PHF8: variants seen among roughly 807,000 people sequenced by gnomAD.
The protein encoded by PHF8 is histone lysine demethylase PHF8.
A neutral mutation model predicts 74.4 loss-of-function variants in PHF8; 9 were observed. The ratio of observed to expected loss-of-function variants is 0.12; its 90% CI spans 0.07 to 0.21. PHF8 has a LOEUF of 0.21. PHF8 is among the 10% of genes least tolerant of loss of function. The pLI is 1.00. For synonymous variants in PHF8, 311 were observed against 316.6 expected (o/e 0.98, Z 0.19); for missense variants, 478 against 816.6 (o/e 0.59, Z 5.05).
At chrX:53,999,846 A>T in intron 11 of PHF8, 24 bp downstream of exon 11, 1 of 996,669 alleles carries the variant, frequency 1.0e-6, no homozygotes, top group Non-Finnish European at 1.4e-6. Context: ...ACTCCAGAGG[A>T]GGTAGAGAAA....
At position 53,987,853 on chromosome X, in the gene PHF8, C is replaced by T; in HGVS notation, c.1822G>A (p.Glu608Lys). Residue 608 changes from glutamate (E) to lysine (K), a missense_variant, in exon 15 of 22, where the codon GAA becomes AAA. By Grantham distance (56) the Glu-to-Lys change is moderately conservative. This residue lies in a region of PHF8 where 153 missense variants were observed against 164.8 expected (regional missense o/e 0.93). Transcript: ENST00000338154. The stretch of plus-strand genomic sequence containing the variant: ...TCTGAATCCAAGTCAAATTCGTCTT[C>T]CATCACCTGTTCTGCCATCAGCCTA... ...KARLMAEQVM[E>K]DEFDLDSDDE... 1 of 1,208,014 alleles carries T rather than the reference C, an allele frequency of 8.3e-7. No individual in the cohort carries two copies. The highest frequency in any genetic ancestry group is 1.1e-6 in the Non-Finnish European group (1 of 892,052).
chrX:54,042,941 T>A (rs2066587372), intron 1 of PHF8, 121 bp from the exon 2 acceptor site: 1 of 581,469 alleles, frequency 1.7e-6, no homozygotes, highest in African/African-American at 2.5e-5. Flanking sequence ...GGTGCGGCTG[T>A]AGGGGGCAAC....
chrX:53,967,384 C>G (rs1213791609), intron 18 of PHF8, among the ~76,000 whole-genome samples: 1 of 97,636 alleles, frequency 1.0e-5, no homozygotes, highest in African/African-American at 3.8e-5. Flanking sequence ...GCCCCCCGCC[C>G]GGCCAGCCGC....
At chrX:54,048,546 A>G (rs1385544225), upstream of PHF8, among the ~76,000 whole-genome samples, 2 of 112,104 alleles carry the variant, frequency 1.8e-5, no homozygotes, top group Non-Finnish European at 3.8e-5. Flanking sequence ...TGGGGAGTGG[A>G]CAAAGGATAT....
chrX:54,021,462 T>A (rs2066171055), intron 4 of PHF8, among the ~76,000 whole-genome samples: 1 of 72,285 alleles, frequency 1.4e-5, no homozygotes, highest in African/African-American at 5.7e-5. Flanking sequence ...TTATTTTTTT[T>A]TTTTTTTTTT....
intron 18 of PHF8, among the ~76,000 whole-genome samples, chrX:53,966,263 G>T (rs1024980349): frequency 9.0e-6 from 1 of 110,924 alleles, no homozygotes; most frequent in African/African-American, 3.3e-5. Context: ...CTCTTTCCAC[G>T]GTCTCCCTCT....
chrX:53,949,069 T>A (rs918125923), intron 19 of PHF8, among the ~76,000 whole-genome samples: 1 of 108,314 alleles, frequency 9.2e-6, no homozygotes, highest in African/African-American at 3.4e-5. Context: ...AAATAAAAAA[T>A]AAAATTGTCA....
chrX:54,043,119 T>C, intron 1 of PHF8: 1 of 827,461 alleles, frequency 1.2e-6, no homozygotes, highest in Non-Finnish European at 1.5e-6. Flanking sequence ...ACCTGAAGCC[T>C]TTTCGGGAAG....
intron 19 of PHF8, among the ~76,000 whole-genome samples, chrX:53,960,890 G>T (rs1557090623): frequency 9.0e-6 from 1 of 110,848 alleles, no homozygotes; most frequent in Non-Finnish European, 1.9e-5. Flanking sequence ...CTCGTGGGTG[G>T]TTCCTTCTTC....
chrX:53,978,474 T>C (rs1557096915), intron 18 of PHF8, among the ~76,000 whole-genome samples: 2 of 111,715 alleles, frequency 1.8e-5, no homozygotes, highest in African/African-American at 6.5e-5. Context: ...GAACAAGCTT[T>C]TGATATGCAA....
chrX:53,956,164 C>T (rs2065010209), intron 19 of PHF8, among the ~76,000 whole-genome samples: 1 of 111,318 alleles, frequency 9.0e-6, no homozygotes, highest in South Asian at 3.7e-4. Context: ...GCAGCAGAAT[C>T]GCTTGAACCT....
At chrX:54,029,323 A>G (rs1603341745) in intron 2 of PHF8, among the ~76,000 whole-genome samples, 1 of 111,679 alleles carries the variant, frequency 9.0e-6, no homozygotes. Context: ...AATGCCTCAC[A>G]GGGTCCCTAT....
intron 12 of PHF8, among the ~76,000 whole-genome samples, chrX:53,995,386 G>A (rs782307242): frequency 1.8e-5 from 2 of 111,894 alleles, no homozygotes; most frequent in Non-Finnish European, 3.8e-5. Context: ...AACAATCCTC[G>A]AGTAGGTACA....
Position 53,944,409 on chromosome X carries a change from T to C in PHF8, c.2540-166A>G, listed in dbSNP as rs1034760164. The C allele has an allele frequency of 1.8e-5, 8 of 447,762 alleles. No homozygotes were observed. The East Asian group carries it at 3.0e-4, about 17-fold the overall frequency. 36.9% of individuals were successfully genotyped at this position (447,762 alleles called of 1,213,427 possible). A position where few individuals can be genotyped will look rare whatever the true frequency, so the allele number is the denominator to read the frequency against. The stretch of plus-strand genomic sequence containing the variant: ...ATCACATAAGAACCTAATTCACCAA[T>C]GCTCAAAGCACACACTGATTAAAGG... On this transcript the variant is annotated intron_variant, in intron 19 of 21. Coordinates refer to ENST00000338154, the MANE Select transcript of PHF8 (RefSeq NM_015107.3).
At chrX:53,983,514 T>C in intron 18 of PHF8, among the ~76,000 whole-genome samples, 1 of 112,021 alleles carries the variant, frequency 8.9e-6, no homozygotes. Context: ...CCATTGCTGG[T>C]AAGACTATGG....
intron 18 of PHF8, among the ~76,000 whole-genome samples, chrX:53,966,354 G>A (rs782053223): frequency 1.8e-4 from 20 of 112,242 alleles, no homozygotes; most frequent in Non-Finnish European, 3.4e-4. Flanking sequence ...GCCTCAGCCT[G>A]CCGAGTGCCT....
chrX:54,016,469 G>C, intron 6 of PHF8, 126 bp downstream of exon 6: 1 of 580,938 alleles, frequency 1.7e-6, no homozygotes, highest in Non-Finnish European at 2.8e-6. Flanking sequence ...ACTCCAGCCT[G>C]GGCGACAGAG....
At chrX:53,982,568 T>C (rs1438288786) in intron 18 of PHF8, among the ~76,000 whole-genome samples, 4 of 112,207 alleles carry the variant, frequency 3.6e-5, no homozygotes, top group South Asian at 3.7e-4. Context: ...CAGAGAGGCA[T>C]AGAGAGGTTA....
chrX:54,043,582 A>C (rs1330149085), intron 1 of PHF8, among the ~76,000 whole-genome samples, 180 bp downstream of exon 1: 11 of 111,511 alleles, frequency 9.9e-5, no homozygotes, highest in African/African-American at 3.3e-4. Context: ...CAAACTGACT[A>C]GAATTTCCTC....
Sources: gnomAD v4.1 joint callset for allele counts (sites outside exome capture counted in the v4.1 genomes callset) on GRCh38, gnomAD v4.1.1 for gene constraint, gnomAD v4.1.1 regional missense constraint, MANE v1.5 for transcripts, NCBI Gene and HGNC (gene_info 2026-07-23, HGNC 2026-07-21) for gene names.